Variants in PPP1R9A observed in about 807,000 individuals in gnomAD.
PPP1R9A encodes neurabin-1.
PPP1R9A carries 59 observed loss-of-function variants against 141.9 expected under a neutral mutation model. That is an observed-to-expected ratio of 0.42 (90% CI 0.34 to 0.52). PPP1R9A has a LOEUF of 0.52. PPP1R9A is among the 20% of genes least tolerant of loss of function. PPP1R9A has a pLI of 0.10. For missense variants in PPP1R9A, 1,444 were observed against 1,611.9 expected (o/e 0.90, Z 1.78); for synonymous variants, 500 against 569.7 (o/e 0.88, Z 1.74).
At chr7:94,920,787 A>C (rs902448439) in intron 2 of PPP1R9A, among the ~76,000 whole-genome samples, 1 of 152,220 alleles carries the variant, frequency 6.6e-6, no homozygotes, top group African/African-American at 2.4e-5. Context: ...AGGAATAAGC[A>C]GTGAGAATCT....
intron 2 of PPP1R9A, among the ~76,000 whole-genome samples, chr7:95,055,797 C>T (rs377094592): frequency 3.3e-5 from 5 of 152,094 alleles, no homozygotes; most frequent in Non-Finnish European, 7.4e-5. Context: ...CGTTTCCTGA[C>T]AATACACTCT....
chr7:94,928,146 T>C (rs1355284802), intron 2 of PPP1R9A, among the ~76,000 whole-genome samples: 1 of 151,996 alleles, frequency 6.6e-6, no homozygotes, highest in Non-Finnish European at 1.5e-5. Flanking sequence ...TAAAGATGAA[T>C]AAGAATTAAT....
At position 95,084,968 on chromosome 7, in the gene PPP1R9A, A is replaced by G. The variant is rs188206272; in HGVS notation, c.1396-26291A>G. 6.3e-4 allele frequency among the ~76,000 whole-genome samples: 96 copies of G among 152,054 alleles called. 4 individuals are homozygous for G. The highest frequency in any genetic ancestry group is 5.8e-3 in the Admixed American group (88 of 15,266). On this transcript the variant is annotated intron_variant, in intron 2 of 19. Coordinates refer to ENST00000433360, the MANE Select transcript of PPP1R9A (RefSeq NM_001166160.2). ...AACTAGCCAGGTTTTAGGTTCGTAT[A>G]TGTATCTTTACCGTTAGTGTCTGTT...
chr7:94,915,620 G>T (rs1325448182), intron 2 of PPP1R9A, among the ~76,000 whole-genome samples: 1 of 152,154 alleles, frequency 6.6e-6, no homozygotes, highest in Non-Finnish European at 1.5e-5. Flanking sequence ...AAATCCAGAA[G>T]CAAGAGGAAA....
rs939105218 is a variant in PPP1R9A, at chr7:95,250,163, G to A, written c.2304G>A (p.Val768=). 2 of 1,613,866 alleles carry A rather than the reference G, an allele frequency of 1.2e-6. No homozygotes were observed. The highest frequency in any genetic ancestry group is 2.7e-5 in the African/African-American group (2 of 74,930). The change falls in exon 10 of 20, where the codon GTG becomes GTA. Residue 768 remains valine (V), a synonymous_variant. Transcript: ENST00000433360. ...WIEAQTLCHT[V]NEHLKETQSQ... is the part of the protein sequence containing the mutation. ...AGGCCCAAACATTATGCCACACAGT[G>A]AATGAGCATCTCAAAGAGACTCAAA...
intron 2 of PPP1R9A, among the ~76,000 whole-genome samples, chr7:95,005,366 T>A (rs1263418514): frequency 1.3e-5 from 2 of 152,190 alleles, no homozygotes; most frequent in African/African-American, 2.4e-5. Context: ...AATAACAGTT[T>A]AAAAAAACTA....
At chr7:95,274,256 T>C (rs1053169925) in intron 16 of PPP1R9A, 88 bp downstream of exon 16, 1 of 1,216,446 alleles carries the variant, frequency 8.2e-7, no homozygotes, top group Admixed American at 2.5e-5. Flanking sequence ...CAGTGGTCAG[T>C]ATCTTTGAGC....
chr7:95,063,786 G>A (rs184590828), intron 2 of PPP1R9A, among the ~76,000 whole-genome samples: 1 of 152,240 alleles, frequency 6.6e-6, no homozygotes. Flanking sequence ...TTGTGGGGAT[G>A]TGTTTTCTAA....
chr7:95,085,772 T>C (rs903116068), intron 2 of PPP1R9A, among the ~76,000 whole-genome samples: 2 of 152,034 alleles, frequency 1.3e-5, no homozygotes, highest in African/African-American at 4.8e-5. Flanking sequence ...ATAACTTGTA[T>C]TTTCACTTGG....
chr7:95,113,067 G>C (rs995283109), intron 3 of PPP1R9A, among the ~76,000 whole-genome samples: 9 of 152,066 alleles, frequency 5.9e-5, no homozygotes, highest in African/African-American at 2.2e-4. Flanking sequence ...GTACTCCCCT[G>C]AATTTATACA....
intron 16 of PPP1R9A, among the ~76,000 whole-genome samples, chr7:95,276,071 A>G (rs1036555807): frequency 2.0e-5 from 3 of 152,224 alleles, no homozygotes; most frequent in African/African-American, 7.2e-5. Context: ...TACTCATGGA[A>G]AAAAACAAAT....
intron 7 of PPP1R9A, among the ~76,000 whole-genome samples, chr7:95,223,049 T>C (rs1794670878): frequency 6.6e-6 from 1 of 152,046 alleles, no homozygotes; most frequent in Non-Finnish European, 1.5e-5. Flanking sequence ...GAGAGAGTTA[T>C]AACATAATGT....
At chr7:95,198,540 C>A (rs867420727) in intron 6 of PPP1R9A, 56 bp downstream of exon 6, 1 of 1,498,708 alleles carries the variant, frequency 6.7e-7, no homozygotes, top group Non-Finnish European at 8.9e-7. Flanking sequence ...ATGAAACTCT[C>A]TCTACTGTAT....
chr7:94,960,733 G>A (rs549031195), intron 2 of PPP1R9A, among the ~76,000 whole-genome samples: 1 of 151,698 alleles, frequency 6.6e-6, no homozygotes, highest in South Asian at 2.1e-4. Flanking sequence ...AAGCAAAGGA[G>A]CCAAAATTTG....
intron 5 of PPP1R9A, among the ~76,000 whole-genome samples, chr7:95,193,318 C>G (rs1835785412): frequency 6.6e-6 from 1 of 152,064 alleles, no homozygotes; most frequent in Non-Finnish European, 1.5e-5. Flanking sequence ...GAGTATATTT[C>G]ATGAGATGAA....
At position 94,911,243 on chromosome 7, in the gene PPP1R9A, C is replaced by T. The variant is rs1791419489; in HGVS notation, c.1130C>T (p.Ser377Phe). ...GDFTSPDASA[S>F]SCGKEVPEDS... ...TTCACCTCTCCTGATGCTTCTGCAT[C>T]CAGTTGTGGAAAAGAAGTACCTGAA... is the stretch of plus-strand genomic sequence containing the variant. Residue 377 changes from serine (S) to phenylalanine (F), a missense_variant, in exon 2 of 20, where the codon TCC becomes TTC. Transcript: ENST00000433360. The T allele has an allele frequency of 1.2e-6, 2 of 1,614,024 alleles. No individual in the cohort carries two copies. The highest frequency in any genetic ancestry group is 2.7e-5 in the African/African-American group (2 of 74,902).
At chr7:95,049,251 A>C (rs1173908065) in intron 2 of PPP1R9A, among the ~76,000 whole-genome samples, 2 of 152,206 alleles carry the variant, frequency 1.3e-5, no homozygotes, top group Admixed American at 6.5e-5. Flanking sequence ...GATTAAGATC[A>C]GAAGGAATTG....
chr7:95,276,868 T>C (rs1042297885), intron 16 of PPP1R9A, among the ~76,000 whole-genome samples: 1 of 152,220 alleles, frequency 6.6e-6, no homozygotes, highest in African/African-American at 2.4e-5. Context: ...AGCTATATTC[T>C]TCTGTATAGA....
At chr7:94,924,435 G>A (rs764332309) in intron 2 of PPP1R9A, among the ~76,000 whole-genome samples, 1 of 152,200 alleles carries the variant, frequency 6.6e-6, no homozygotes, top group African/African-American at 2.4e-5. Context: ...GTGGCAATCA[G>A]AAGAGTTTTA....
Sources: allele counts gnomAD v4.1 joint callset (sites outside exome capture counted in the v4.1 genomes callset), GRCh38; gene constraint gnomAD v4.1.1; transcripts MANE v1.5; gene names NCBI Gene and HGNC (gene_info 2026-07-23, HGNC 2026-07-21).